Variants in PLA2G2D observed in about 807,000 individuals in gnomAD.
PLA2G2D encodes the protein phospholipase A2 group IID.
PLA2G2D carries 17 observed loss-of-function variants against 13.9 expected under a neutral mutation model. The observed-to-expected ratio is 1.23, with a 90% confidence interval of 0.84 to 1.84. The LOEUF is 1.84. Among genes scored for constraint, PLA2G2D ranks in the 40% most tolerant of loss-of-function variants. The probability of loss-of-function intolerance (pLI) is 0.00; values close to 1 mark genes in which losing one functional copy is unlikely to be tolerated. For missense variants in PLA2G2D, 194 were observed against 178.7 expected (o/e 1.09, Z -0.49); for synonymous variants, 83 against 69.3 (o/e 1.20, Z -0.98).
chr1:20,118,239 C>T (rs1291811966), intron 1 of PLA2G2D, among the ~76,000 whole-genome samples: 1 of 152,144 alleles, frequency 6.6e-6, no homozygotes, highest in African/African-American at 2.4e-5. Flanking sequence ...CCCTTTCAAT[C>T]TGGGCTCAGA....
In PLA2G2D at chr1:20,113,916, C is replaced by A; in HGVS notation, c.*198G>T. ...GCTTCTCCCAAGATTCCCATCCACC[C>A]TCAGAGGACACAGCTACTGCCTCAA... On this transcript the variant is annotated 3_prime_UTR_variant, in exon 4 of 4. Coordinates refer to ENST00000375105, the MANE Select transcript of PLA2G2D (RefSeq NM_012400.4). The A allele has an allele frequency of 2.0e-6, 1 of 508,132 alleles. No homozygotes were observed. The highest frequency in any genetic ancestry group is 3.6e-6 in the Non-Finnish European group (1 of 281,242). The allele number at this position is 508,132 out of a possible 1,614,324, so 31.5% of individuals were successfully genotyped here. A position where few individuals can be genotyped will look rare whatever the true frequency, so the allele number is the denominator to read the frequency against.
rs1021479825 is a variant in PLA2G2D, at chr1:20,118,388, C to T, written c.40+1071G>A. Among the ~76,000 whole-genome samples the T allele has an allele frequency of 7.2e-5, 11 of 152,154 alleles. No individual in the cohort carries two copies. In the East Asian group the frequency reaches 9.6e-4, roughly 13 times the overall value. On this transcript the variant is annotated intron_variant, in intron 1 of 3. Transcript: ENST00000375105. Reference sequence around the variant, plus strand: ...GGTGAGGAGGACCCAGCCTGAGAAACGGAGCTGGAGCTGTGGCTGGGGAGG... The same window carrying T: ...GGTGAGGAGGACCCAGCCTGAGAAATGGAGCTGGAGCTGTGGCTGGGGAGG...
intron 1 of PLA2G2D, among the ~76,000 whole-genome samples, chr1:20,119,081 C>T (rs980953048): frequency 3.3e-5 from 5 of 152,126 alleles, no homozygotes; most frequent in African/African-American, 9.7e-5. Context: ...GAACATGAAA[C>T]GGCTCTAAAA....
chr1:20,115,314 T>G (rs1160995291), intron 3 of PLA2G2D, among the ~76,000 whole-genome samples, 193 bp downstream of exon 3: 1 of 152,010 alleles, frequency 6.6e-6, no homozygotes, highest in East Asian at 1.9e-4. Context: ...TTCCAGGTGC[T>G]AAAGGGGCCA....
chr1:20,115,403 CA>C (rs796340358), intron 3 of PLA2G2D, 103 bp downstream of exon 3: 2,263 of 623,322 alleles, frequency 3.6e-3, no homozygotes, highest in Admixed American at 4.6e-3. Flanking sequence ...TGGACCCATG[CA>C]AAAAAAAAAC....
intron 1 of PLA2G2D, among the ~76,000 whole-genome samples, chr1:20,117,028 A>T (rs1438239210): frequency 6.6e-6 from 1 of 152,060 alleles, no homozygotes; most frequent in South Asian, 2.1e-4. Context: ...TCTCGACTCC[A>T]TCTGGCTGGA....
rs2016935826 is a variant in PLA2G2D at position 20,114,120 on chromosome 1, C to A, written c.432G>T (p.Gly144=). 5 of 1,612,732 alleles carry A rather than the reference C, an allele frequency of 3.1e-6. No homozygotes were observed. Among genetic ancestry groups the A allele is most frequent in the African/African-American group, 1.3e-5 (1 of 74,906 alleles). The change falls in exon 4 of 4, where the codon GGG becomes GGT. Residue 144 remains glycine, a synonymous_variant. Transcript: ENST00000375105. ...GGGTAGAGGGTGTGGGCTTCTAGCA[C>A]CCAGGGGTCTGCCCCCGGCAGTGGG... ...WRPHCRGQTP[G]C
At chr1:20,119,350 C>T (rs986514354) in intron 1 of PLA2G2D, 109 bp downstream of exon 1, 20 of 983,194 alleles carry the variant, frequency 2.0e-5, no homozygotes, top group African/African-American at 6.4e-5. Context: ...GGAGTGGGGG[C>T]CAGGCTCCTG....
rs2016986591 is a variant in PLA2G2D, at chr1:20,116,230, C to G, written c.185+103G>C. On this transcript the variant is annotated intron_variant, in intron 2 of 3. Transcript: ENST00000375105. ...TATTTAGCACATAGTAGATGCTCAA[C>G]AAAATGGATTCAACTCAACTAAATG... 9.0e-6 allele frequency: 11 copies of G among 1,217,960 alleles called. No individual in the cohort carries two copies. The South Asian group carries it at 1.4e-4, about 16-fold the overall frequency. 75.4% of individuals were successfully genotyped at this position (1,217,960 alleles called of 1,614,324 possible).
rs970245794 is a variant in PLA2G2D at position 20,112,747 on chromosome 1, G to A, written c.*1367C>T. The A allele has an allele frequency of 6.6e-6, 1 of 152,186 alleles. No homozygotes were observed. The highest frequency in any genetic ancestry group is 1.5e-5 in the Non-Finnish European group (1 of 68,072). 9.4% of individuals were successfully genotyped at this position (152,186 alleles called of 1,614,324 possible). A position where few individuals can be genotyped will look rare whatever the true frequency, so the allele number is the denominator to read the frequency against. On this transcript the variant is annotated 3_prime_UTR_variant, in exon 4 of 4. Coordinates refer to ENST00000375105, the MANE Select transcript of PLA2G2D (RefSeq NM_012400.4). ...GCCAAGGGGTCAGACCAAGCAGAGA[G>A]GTGGTTCCAGGAGAGGCCTGGCCTC...
Position 20,119,517 on chromosome 1 carries a change from T to C in PLA2G2D, c.-19A>G. The C allele has an allele frequency of 6.2e-7, 1 of 1,613,380 alleles. No individual in the cohort carries two copies. The highest frequency in any genetic ancestry group is 8.5e-7 in the Non-Finnish European group (1 of 1,179,446). ...GTTCCATGATCCCAGCACAGAGCAG[T>C]GGAGGCAGATGCTGGCAGTCCCTTT... On this transcript the variant is annotated 5_prime_UTR_variant, in exon 1 of 4. Transcript: ENST00000375105.
At chr1:20,118,610 T>C (rs2017033022) in intron 1 of PLA2G2D, among the ~76,000 whole-genome samples, 1 of 152,234 alleles carries the variant, frequency 6.6e-6, no homozygotes, top group South Asian at 2.1e-4. Context: ...AGTGTCTGTT[T>C]TCCCATTAGA....
intron 3 of PLA2G2D, 63 bp downstream of exon 3, chr1:20,115,444 C>T (rs2016964918): frequency 1.4e-5 from 13 of 915,422 alleles, no homozygotes; most frequent in Non-Finnish European, 2.2e-5. Context: ...GCTGTGAAGG[C>T]AGTGGGGGCC....
In PLA2G2D at chr1:20,116,328, G is replaced by C. The variant is rs2016989016; in HGVS notation, c.185+5C>G. 1.2e-6 allele frequency: 2 copies of C among 1,614,046 alleles called. No individual in the cohort carries two copies. The highest frequency in any genetic ancestry group is 1.7e-6 in the Non-Finnish European group (2 of 1,179,850). ...TAGGATTGCCAGCCCTGAGAAAGGA[G>C]TTACCAGTCCGTGGCATCTTTGGGT... On this transcript the variant is annotated splice_donor_5th_base_variant and intron_variant, in intron 2 of 3. Transcript: ENST00000375105.
At chr1:20,117,565 T>G (rs554379238) in intron 1 of PLA2G2D, among the ~76,000 whole-genome samples, 1 of 152,268 alleles carries the variant, frequency 6.6e-6, no homozygotes, top group East Asian at 1.9e-4. Flanking sequence ...TGCATTATGT[T>G]GAGTTAGGAG....
In PLA2G2D at chr1:20,113,479, C is replaced by G. The variant is rs577632734; in HGVS notation, c.*635G>C. 1 of 152,220 alleles carries G rather than the reference C, an allele frequency of 6.6e-6. No individual in the cohort carries two copies. The highest frequency in any genetic ancestry group is 1.5e-5 in the Non-Finnish European group (1 of 68,074). The allele number at this position is 152,220 out of a possible 1,614,324, so 9.4% of individuals were successfully genotyped here. On this transcript the variant is annotated 3_prime_UTR_variant, in exon 4 of 4. Coordinates refer to ENST00000375105, the MANE Select transcript of PLA2G2D (RefSeq NM_012400.4). ...TGGTGCCTGGAGCCACAAGACCTGG[C>G]GGCTTTGTCTAGGCTTCACCCAAGA...
intron 1 of PLA2G2D, 30 bp from the exon 2 acceptor site, chr1:20,116,507 AGAG>A (rs752443982): frequency 2.5e-6 from 4 of 1,613,770 alleles, no homozygotes; most frequent in Non-Finnish European, 3.4e-6. Context: ...CCAGGAGAGA[AGAG>A]GAGATGAATT....
In PLA2G2D at chr1:20,111,947, T is replaced by C. The variant is rs1278898074; in HGVS notation, c.*2167A>G. On this transcript the variant is annotated 3_prime_UTR_variant, in exon 4 of 4. Transcript: ENST00000375105. The stretch of plus-strand genomic sequence containing the variant: ...TATTTTATTTTATTTTATTTTATTT[T>C]ATTTTATTTTATTTTATTTTATTTT... The C allele has an allele frequency of 6.1e-5, 9 of 147,306 alleles. No homozygotes were observed. Among genetic ancestry groups the C allele is most frequent in the African/African-American group, 1.7e-4 (7 of 40,092 alleles). 9.1% of individuals were successfully genotyped at this position (147,306 alleles called of 1,614,324 possible).
Position 20,114,235 on chromosome 1 carries a change from T to C in PLA2G2D, c.317A>G (p.Gln106Arg), listed in dbSNP as rs1441048123. The change falls in exon 4 of 4, where the codon CAG becomes CGG. Residue 106 changes from glutamine (Q) to arginine (R), a missense_variant. Physicochemically the swap from Gln to Arg is conservative, Grantham distance 43. Transcript: ENST00000375105. ...HCSDKGSWCE[Q>R]QLCACDKEVA... ...CTCCTTGTCACAGGCACACAGCTGC[T>C]GCTCACACCAGCTTCCCTTGTCAGC... 4.3e-6 allele frequency: 7 copies of C among 1,613,982 alleles called. No homozygotes were observed. The highest frequency in any genetic ancestry group is 5.9e-6 in the Non-Finnish European group (7 of 1,179,904).
Sources: allele counts gnomAD v4.1 joint callset (sites outside exome capture counted in the v4.1 genomes callset), GRCh38; gene constraint gnomAD v4.1.1; transcripts MANE v1.5; gene names NCBI Gene and HGNC (gene_info 2026-07-23, HGNC 2026-07-21).